The following QTGAL variants were observed in gnomAD, a reference collection of about 807,000 sequenced individuals.
QTGAL encodes queuosine-tRNA galactosyltransferase, also known as BGnT-like protein 1.
the QTGAL span, chr17:82,956,764 T>A: frequency 2.5e-6 from 4 of 1,579,652 alleles, no homozygotes; most frequent in Non-Finnish European, 3.4e-6. The surrounding 1 kb of genome is among the most constrained non-coding windows in gnomAD (Gnocchi z 5.7). Context: ...GGGGCTTGGG[T>A]CTTTCCTGAG....
the QTGAL span, among the ~76,000 whole-genome samples, chr17:82,967,107 AC>A: frequency 6.6e-6 from 1 of 152,176 alleles, no homozygotes; most frequent in Non-Finnish European, 1.5e-5. Flanking sequence ...AGGGAAGTCC[AC>A]CTAACGGCCT....
chr17:83,026,671 G>A, the QTGAL span, among the ~76,000 whole-genome samples: 1 of 141,566 alleles, frequency 7.1e-6, no homozygotes, highest in Admixed American at 6.9e-5. Context: ...GACACACAGA[G>A]CAGGGCGGGG....
chr17:83,024,969 A>C, the QTGAL span, among the ~76,000 whole-genome samples: 1 of 152,358 alleles, frequency 6.6e-6, no homozygotes, highest in African/African-American at 2.4e-5. Context: ...TCGTTTCAGG[A>C]GCAAGACGTC....
chr17:83,032,620 G>A, the QTGAL span, among the ~76,000 whole-genome samples: 1 of 152,252 alleles, frequency 6.6e-6, no homozygotes, highest in Non-Finnish European at 1.5e-5. Context: ...GTGGTGGGTT[G>A]AGCTGTCCTT....
the QTGAL span, among the ~76,000 whole-genome samples, chr17:83,042,254 C>A: frequency 6.6e-6 from 1 of 152,168 alleles, no homozygotes; most frequent in Non-Finnish European, 1.5e-5. Context: ...GTATTCCCAG[C>A]TACCTGGGAG....
chr17:83,017,903 G>T, the QTGAL span, among the ~76,000 whole-genome samples: 2 of 150,408 alleles, frequency 1.3e-5, no homozygotes, highest in African/African-American at 4.9e-5. Context: ...CCTGCATCAG[G>T]TACCACACGT....
chr17:83,014,574 C>A, the QTGAL span: 3 of 1,576,366 alleles, frequency 1.9e-6, no homozygotes, highest in South Asian at 1.1e-5. Context: ...GATGCATAGA[C>A]TAATACAGTC....
the QTGAL span, among the ~76,000 whole-genome samples, chr17:83,009,295 A>G: frequency 1.3e-5 from 2 of 152,062 alleles, no homozygotes; most frequent in Non-Finnish European, 2.9e-5. Flanking sequence ...GTGGTGGCGC[A>G]CACCTGTAAT....
At chr17:83,031,585 G>A in the QTGAL span, among the ~76,000 whole-genome samples, 63 of 152,368 alleles carry the variant, frequency 4.1e-4, no homozygotes, top group Non-Finnish European at 7.5e-4. Flanking sequence ...CAGTCACGGG[G>A]GAGGCCTTCC....
At chr17:83,038,087 G>C in the QTGAL span, among the ~76,000 whole-genome samples, 1 of 152,168 alleles carries the variant, frequency 6.6e-6, no homozygotes, top group Non-Finnish European at 1.5e-5. Flanking sequence ...TGCATGAATC[G>C]TAATAAGTGA....
chr17:83,008,148 G>A, the QTGAL span, among the ~76,000 whole-genome samples: 1 of 145,250 alleles, frequency 6.9e-6, no homozygotes, highest in Non-Finnish European at 1.5e-5. Context: ...CAGGGCAGGA[G>A]CTTTTGTGGG....
At chr17:82,943,469 A>C in the QTGAL span, 1 of 151,254 alleles carries the variant, frequency 6.6e-6, no homozygotes, top group East Asian at 1.9e-4. Context: ...CCCTTTCCCT[A>C]TGTGAGGAGC....
chr17:83,051,323 G>C, the QTGAL span, among the ~76,000 whole-genome samples: 1 of 151,588 alleles, frequency 6.6e-6, no homozygotes, highest in Non-Finnish European at 1.5e-5. Flanking sequence ...CAGGTGTGCG[G>C]GCGCGGGGAA....
the QTGAL span, among the ~76,000 whole-genome samples, chr17:82,997,419 C>T: frequency 6.6e-6 from 1 of 152,100 alleles, no homozygotes; most frequent in Non-Finnish European, 1.5e-5. Context: ...AAAGGGAACC[C>T]CTGTACAATG....
chr17:82,985,105 G>A, the QTGAL span, among the ~76,000 whole-genome samples: 2,605 of 152,296 alleles, frequency 0.017, 29 homozygotes, highest in Middle Eastern at 0.037. Flanking sequence ...AGACAGGGGC[G>A]CTTTCAGGCA....
chr17:82,947,266 A>T, the QTGAL span: 1 of 452,604 alleles, frequency 2.2e-6, no homozygotes, highest in East Asian at 3.5e-5. Context: ...GGGCACTCGG[A>T]ATGGAATGAG....
the QTGAL span, among the ~76,000 whole-genome samples, chr17:82,987,720 G>A: frequency 6.6e-6 from 1 of 152,138 alleles, no homozygotes; most frequent in South Asian, 2.1e-4. Context: ...CTCCAGCTTT[G>A]TTCTTTTTGC....
the QTGAL span, among the ~76,000 whole-genome samples, chr17:82,975,055 G>C: frequency 6.6e-5 from 7 of 106,758 alleles, 1 homozygote; most frequent in Non-Finnish European, 1.3e-4. Flanking sequence ...CCCCAGGACA[G>C]AGCCCGACTC....
At chr17:82,976,351 G>A in the QTGAL span, among the ~76,000 whole-genome samples, 2 of 65,692 alleles carry the variant, frequency 3.0e-5, no homozygotes, top group African/African-American at 1.1e-4. Flanking sequence ...GGACAGAGCC[G>A]GACTCCATCC....
Sources: gnomAD v4.1 joint callset for allele counts (sites outside exome capture counted in the v4.1 genomes callset) on GRCh38, gnomAD v4.1.1 for gene constraint, Gnocchi (gnomAD v3.1) non-coding constraint, MANE v1.5 for transcripts, NCBI Gene and HGNC (gene_info 2026-07-23, HGNC 2026-07-21) for gene names.